Variants in TRAPPC9 observed in about 807,000 individuals in gnomAD.
The protein encoded by TRAPPC9 is trafficking protein particle complex subunit 9, also known as IKK2 binding protein.
A neutral mutation model predicts 124.0 loss-of-function variants in TRAPPC9; 83 were observed. The ratio of observed to expected loss-of-function variants is 0.67; its 90% confidence interval spans 0.56 to 0.80. The LOEUF is 0.80. TRAPPC9 is among the 30% of genes least tolerant of loss of function. TRAPPC9 has a pLI of 0.00. For synonymous variants in TRAPPC9, 638 were observed against 617.5 expected, an observed-to-expected ratio of 1.03 and a Z score of -0.49; for missense variants, 1,302 against 1,508.3, an observed-to-expected ratio of 0.86 and a Z score of 2.27.
At chr8:139,844,932 G>C (rs576422275) in intron 21 of TRAPPC9, among the ~76,000 whole-genome samples, 52 of 152,198 alleles carry the variant, frequency 3.4e-4, no homozygotes, top group Admixed American at 3.9e-4. Context: ...TCATCACCCC[G>C]TCCCCAGGCC....
chr8:140,309,291 C>A (rs1444782698), intron 10 of TRAPPC9, among the ~76,000 whole-genome samples: 1 of 152,230 alleles, frequency 6.6e-6, no homozygotes, highest in Non-Finnish European at 1.5e-5. Context: ...TGAAACAAAA[C>A]AAACCACTCT....
In TRAPPC9 at chr8:139,729,946, G is replaced by A. The variant is rs1228050155; in HGVS notation, c.*1115C>T. Among the ~76,000 whole-genome samples the A allele has an allele frequency of 2.0e-5, 3 of 152,130 alleles. No individual in the cohort carries two copies. The highest frequency in any genetic ancestry group is 1.3e-4 in the Admixed American group (2 of 15,288). ...CCTCCCTGGGACCTGGGGAGCTAAG[G>A]GTCAACACAGCCAGAAGCCTGCCCC... On this transcript the variant is annotated 3_prime_UTR_variant, in exon 23 of 23. Coordinates refer to ENST00000438773, the MANE Select transcript of TRAPPC9 (RefSeq NM_001160372.4).
intron 21 of TRAPPC9, among the ~76,000 whole-genome samples, chr8:139,782,732 C>T (rs959277279): frequency 6.6e-6 from 1 of 152,144 alleles, no homozygotes; most frequent in African/African-American, 2.4e-5. Flanking sequence ...ATTTACAGAA[C>T]ATCCTGCTTG....
chr8:140,058,267 C>T (rs571666715), intron 17 of TRAPPC9, among the ~76,000 whole-genome samples: 3 of 152,230 alleles, frequency 2.0e-5, no homozygotes, highest in Admixed American at 1.3e-4. Flanking sequence ...ATAGACACTA[C>T]GGTGTCACTT....
chr8:139,804,669 GCAC>G (rs1245539268), intron 21 of TRAPPC9, among the ~76,000 whole-genome samples: 24 of 29,628 alleles, frequency 8.1e-4, no homozygotes, highest in African/African-American at 3.3e-3. Flanking sequence ...CCGCCACCAA[GCAC>G]CACCACCACA....
intron 17 of TRAPPC9, among the ~76,000 whole-genome samples, chr8:140,188,005 T>C (rs761918766): frequency 1.8e-4 from 27 of 152,194 alleles, no homozygotes; most frequent in Non-Finnish European, 3.1e-4. Context: ...CTCCCACACC[T>C]GTACATCCTC....
At chr8:139,794,324 C>G (rs1448902282) in intron 21 of TRAPPC9, among the ~76,000 whole-genome samples, 2 of 152,248 alleles carry the variant, frequency 1.3e-5, no homozygotes, top group African/African-American at 4.8e-5. Context: ...CGCACTTGTC[C>G]TCTAGCTGAA....
chr8:139,963,914 G>C (rs72683283), intron 19 of TRAPPC9, among the ~76,000 whole-genome samples: 4,677 of 152,212 alleles, frequency 0.031, 139 homozygotes, highest in African/African-American at 0.069. Flanking sequence ...ATTGACTTAT[G>C]CAACTATAAA....
intron 15 of TRAPPC9, among the ~76,000 whole-genome samples, chr8:140,258,268 C>T (rs926518790): frequency 5.3e-5 from 8 of 152,230 alleles, no homozygotes; most frequent in Admixed American, 2.6e-4. Context: ...TGACCCTGTG[C>T]GACTAATTCT....
chr8:139,885,894 C>T lies in TRAPPC9; in HGVS notation c.3040G>A (p.Ala1014Thr). ...GGGTACTCACCCCACTGCAGAGGCGCCAGCTGCAGGTGCTCCAGGACGAGC... is the reference window on the plus strand; with the variant it reads ...GGGTACTCACCCCACTGCAGAGGCGTCAGCTGCAGGTGCTCCAGGACGAGC... Reference protein sequence around the residue: ...NQLVLEHLQLAPLQWDVLVDG... With the variant: ...NQLVLEHLQLTPLQWDVLVDG... Residue 1014 changes from alanine (A) to threonine (T), a missense_variant, in exon 21 of 23, where the codon GCG becomes ACG. By Grantham distance (58) the Ala-to-Thr change is moderately conservative. Coordinates refer to ENST00000438773, the MANE Select transcript of TRAPPC9 (RefSeq NM_001160372.4). 1 of 1,566,260 alleles carries T rather than the reference C, an allele frequency of 6.4e-7. No individual in the cohort carries two copies.
chr8:140,230,317 A>G (rs573440780), intron 16 of TRAPPC9, among the ~76,000 whole-genome samples: 1 of 152,320 alleles, frequency 6.6e-6, no homozygotes, highest in Non-Finnish European at 1.5e-5. Context: ...TTAAGAAAAA[A>G]AAGAAGTAGG....
chr8:140,148,039 G>GC (rs1475661424), intron 17 of TRAPPC9, among the ~76,000 whole-genome samples: 1 of 152,222 alleles, frequency 6.6e-6, no homozygotes, highest in Admixed American at 6.5e-5. Context: ...GGCCCCGGGG[G>GC]CACAGCAGTG....
chr8:140,402,790 T>C (rs1042880419), intron 6 of TRAPPC9, among the ~76,000 whole-genome samples: 1 of 151,566 alleles, frequency 6.6e-6, no homozygotes, highest in South Asian at 2.1e-4. Flanking sequence ...GAAAGATTCA[T>C]AGAAAGGAAT....
chr8:139,901,359 G>A (rs1831008569), intron 20 of TRAPPC9, among the ~76,000 whole-genome samples: 1 of 152,226 alleles, frequency 6.6e-6, no homozygotes, highest in Non-Finnish European at 1.5e-5. Flanking sequence ...TGATTAATGA[G>A]CCTCTTTGCC....
intron 16 of TRAPPC9, among the ~76,000 whole-genome samples, chr8:140,224,378 A>G (rs904236791): frequency 5.3e-5 from 8 of 152,224 alleles, no homozygotes; most frequent in Admixed American, 1.3e-4. Flanking sequence ...TGAGCCTGAC[A>G]AACATCCCCT....
intron 17 of TRAPPC9, among the ~76,000 whole-genome samples, chr8:140,168,071 C>T (rs1033015328): frequency 1.3e-5 from 2 of 152,214 alleles, no homozygotes; most frequent in Non-Finnish European, 2.9e-5. Context: ...ATCTCCCACT[C>T]CCCAAACCCC....
chr8:140,300,159 C>G lies in TRAPPC9; in HGVS notation c.1768+310G>C, dbSNP rs79570405. Among the ~76,000 whole-genome samples the G allele has an allele frequency of 1.7e-3, 259 of 152,340 alleles. 1 individual carries two copies. Among genetic ancestry groups the G allele is most frequent in the African/African-American group, 5.9e-3 (246 of 41,576 alleles). ...CAGCAAATCAAATAAACTTCCATGA[C>G]AGACTGCACACACGCACACACACGC... On this transcript the variant is annotated intron_variant, in intron 11 of 22. Coordinates refer to ENST00000438773, the MANE Select transcript of TRAPPC9 (RefSeq NM_001160372.4).
At chr8:140,184,341 A>G (rs1349512774) in intron 17 of TRAPPC9, among the ~76,000 whole-genome samples, 1 of 152,188 alleles carries the variant, frequency 6.6e-6, no homozygotes, top group Non-Finnish European at 1.5e-5. Context: ...CCAAAAGTTG[A>G]CACTGTTTGT....
Position 139,880,154 on chromosome 8 carries a change from G to A in TRAPPC9, c.3055+5725C>T, listed in dbSNP as rs538020197. The stretch of plus-strand genomic sequence containing the variant: ...TGGAAAACCCCCACATGGCTTCTTC[G>A]GGAAGAGATGCCATTCAACTCAGCT... On this transcript the variant is annotated intron_variant, in intron 21 of 22. Coordinates refer to ENST00000438773, the MANE Select transcript of TRAPPC9 (RefSeq NM_001160372.4). Among the ~76,000 whole-genome samples the A allele has an allele frequency of 2.6e-5, 4 of 152,266 alleles. No individual in the cohort carries two copies. The East Asian group carries it at 7.7e-4, about 29-fold the overall frequency.
Sources: allele counts gnomAD v4.1 joint callset (sites outside exome capture counted in the v4.1 genomes callset), GRCh38; gene constraint gnomAD v4.1.1; transcripts MANE v1.5; gene names NCBI Gene and HGNC (gene_info 2026-07-23, HGNC 2026-07-21).